Variants in EYS observed in about 807,000 individuals in gnomAD.
The protein encoded by EYS is EGF-like photoreceptor maintenance factor, also known as protein eyes shut homolog.
Under a neutral mutation model 282.1 loss-of-function variants are expected in EYS, and 250 were observed. The ratio of observed to expected loss-of-function variants is 0.89; its 90% CI spans 0.80 to 0.98. The LOEUF is 0.98. Among genes scored for constraint, EYS ranks in the 50% least tolerant of loss-of-function variants. EYS has a pLI of 0.00. For missense variants in EYS, 4,016 were observed against 3,709.0 expected (o/e 1.08, Z -2.15); for synonymous variants, 1,355 against 1,282.9 (o/e 1.06, Z -1.20).
intron 36 of EYS, among the ~76,000 whole-genome samples, chr6:63,849,396 A>T (rs1210210429): frequency 6.6e-6 from 1 of 152,118 alleles, no homozygotes; most frequent in Non-Finnish European, 1.5e-5. Flanking sequence ...TGACTGGGAG[A>T]TACCTCCCAG....
chr6:64,156,766 T>C (rs889639744), intron 31 of EYS, among the ~76,000 whole-genome samples: 5 of 152,294 alleles, frequency 3.3e-5, no homozygotes, highest in African/African-American at 9.6e-5. Flanking sequence ...TTGTGGAACT[T>C]TGAACTTGAG....
intron 26 of EYS, among the ~76,000 whole-genome samples, chr6:64,518,458 T>C (rs930380347): frequency 6.6e-6 from 1 of 151,830 alleles, no homozygotes; most frequent in Admixed American, 6.6e-5. Context: ...AAATGTATGG[T>C]ATGTATATGT....
At chr6:65,455,628 T>C (rs967778517) in intron 5 of EYS, among the ~76,000 whole-genome samples, 3 of 152,094 alleles carry the variant, frequency 2.0e-5, no homozygotes, top group Non-Finnish European at 4.4e-5. Context: ...AACAACTATA[T>C]GCCAACAAAT....
At chr6:65,442,277 C>A (rs911442535) in intron 5 of EYS, among the ~76,000 whole-genome samples, 2 of 151,930 alleles carry the variant, frequency 1.3e-5, no homozygotes, top group African/African-American at 2.4e-5. Flanking sequence ...ATATTCAGTA[C>A]TTGGTCTCAC....
At chr6:65,350,661 C>G (rs1302646491) in intron 9 of EYS, among the ~76,000 whole-genome samples, 2 of 151,624 alleles carry the variant, frequency 1.3e-5, no homozygotes, top group African/African-American at 4.8e-5. Flanking sequence ...CTTCGCAACT[C>G]TTTATCCACT....
chr6:64,247,828 G>C (rs1042596735), intron 30 of EYS, among the ~76,000 whole-genome samples: 3 of 152,082 alleles, frequency 2.0e-5, no homozygotes, highest in African/African-American at 7.2e-5. Flanking sequence ...AGGGTCTCAA[G>C]GTAAATATTT....
intron 12 of EYS, among the ~76,000 whole-genome samples, chr6:65,132,007 G>A (rs917108711): frequency 2.6e-5 from 4 of 151,948 alleles, no homozygotes; most frequent in African/African-American, 9.7e-5. Flanking sequence ...ACTACCCCAA[G>A]ACTGAAGTAG....
intron 12 of EYS, among the ~76,000 whole-genome samples, chr6:65,285,398 T>C (rs1256930718): frequency 6.6e-6 from 1 of 151,970 alleles, no homozygotes; most frequent in Non-Finnish European, 1.5e-5. Flanking sequence ...AGAAATCACT[T>C]AGTTTTCTGA....
At chr6:64,146,928 C>T (rs971090622) in intron 31 of EYS, among the ~76,000 whole-genome samples, 4 of 152,072 alleles carry the variant, frequency 2.6e-5, no homozygotes, top group African/African-American at 9.7e-5. Context: ...ATGAAAAATT[C>T]GAAGTTCAGT....
intron 19 of EYS, among the ~76,000 whole-genome samples, chr6:64,879,600 C>A (rs1240793098): frequency 1.3e-5 from 2 of 151,756 alleles, no homozygotes; most frequent in African/African-American, 4.8e-5. Context: ...TTTTGGGGAA[C>A]TGAAATGAAA....
chr6:64,352,595 G>T (rs1020203489), intron 29 of EYS, among the ~76,000 whole-genome samples: 31 of 151,516 alleles, frequency 2.0e-4, no homozygotes, highest in African/African-American at 6.8e-4. Context: ...ACTCAGTGAT[G>T]GTATATAGCA....
intron 12 of EYS, among the ~76,000 whole-genome samples, chr6:65,107,911 A>T (rs970695649): frequency 1.2e-4 from 19 of 152,156 alleles, no homozygotes; most frequent in African/African-American, 4.6e-4. Context: ...ATATGAAAAC[A>T]TTAAAATCTT....
chr6:65,621,454 C>T (rs377316071), intron 2 of EYS, among the ~76,000 whole-genome samples: 18 of 149,086 alleles, frequency 1.2e-4, no homozygotes, highest in East Asian at 9.8e-4. Context: ...TGTCTCTGCA[C>T]GTGAGATGGG....
chr6:65,277,541 C>T (rs887637203), intron 12 of EYS, among the ~76,000 whole-genome samples: 4 of 152,012 alleles, frequency 2.6e-5, no homozygotes, highest in East Asian at 1.9e-4. Flanking sequence ...GGGAAAGAAC[C>T]CTTACCTGAA....
intron 26 of EYS, among the ~76,000 whole-genome samples, chr6:64,526,072 A>T (rs1777908536): frequency 6.6e-6 from 1 of 151,920 alleles, no homozygotes; most frequent in African/African-American, 2.4e-5. Context: ...GCTAAGTGAA[A>T]AAAGCAAATC....
intron 35 of EYS, among the ~76,000 whole-genome samples, chr6:63,904,525 G>T (rs80088098): frequency 6.6e-6 from 1 of 152,044 alleles, no homozygotes; most frequent in African/African-American, 2.4e-5. Context: ...TGGATAATAG[G>T]GGAAGTCTTT....
chr6:65,588,485 G>C (rs947467082), intron 2 of EYS, among the ~76,000 whole-genome samples: 1 of 151,990 alleles, frequency 6.6e-6, no homozygotes, highest in African/African-American at 2.4e-5. Context: ...ATTGGCATCA[G>C]TCACACTTAC....
intron 41 of EYS, among the ~76,000 whole-genome samples, chr6:63,747,613 T>C (rs753771290): frequency 5.3e-5 from 8 of 152,336 alleles, no homozygotes; most frequent in Non-Finnish European, 1.0e-4. Flanking sequence ...GAACTTGTTA[T>C]ATGAATCTGA....
At chr6:64,693,319 T>TGATCTG (rs1375624646) in intron 22 of EYS, among the ~76,000 whole-genome samples, 1 of 151,986 alleles carries the variant, frequency 6.6e-6, no homozygotes, top group Non-Finnish European at 1.5e-5. Flanking sequence ...ATTCTAAAAT[T>TGATCTG]GATCTGGAAA....
Sources: allele counts gnomAD v4.1 joint callset (sites outside exome capture counted in the v4.1 genomes callset), GRCh38; gene constraint gnomAD v4.1.1; transcripts MANE v1.5; gene names NCBI Gene and HGNC (gene_info 2026-07-23, HGNC 2026-07-21).